Variants in RAPGEF2 observed in about 807,000 individuals in gnomAD.
RAPGEF2 encodes the protein PDZ domain containing guanine nucleotide exchange factor (GEF) 1.
Under a neutral mutation model 186.7 loss-of-function variants are expected in RAPGEF2, and 54 were observed. That is an observed-to-expected ratio of 0.29 (90% CI 0.23 to 0.36). The LOEUF is 0.36. RAPGEF2 is among the 10% of genes least tolerant of loss of function. The pLI is 1.00. For synonymous variants in RAPGEF2, 712 were observed against 705.9 expected, an observed-to-expected ratio of 1.01 and a Z score of -0.14; for missense variants, 1,532 against 2,045.0, an observed-to-expected ratio of 0.75 and a Z score of 4.84.
chr4:159,337,058 A>G (rs900453479), intron 17 of RAPGEF2, among the ~76,000 whole-genome samples: 1 of 152,212 alleles, frequency 6.6e-6, no homozygotes, highest in African/African-American at 2.4e-5. Context: ...CATATTATTA[A>G]ATCATGTTTC....
chr4:159,136,227 G>A (rs897543095), intron 1 of RAPGEF2, among the ~76,000 whole-genome samples: 1 of 152,164 alleles, frequency 6.6e-6, no homozygotes, highest in Non-Finnish European at 1.5e-5. Flanking sequence ...TTTATTAAAC[G>A]CCACTTTTTC....
At chr4:159,152,671 G>A (rs947517903) in intron 1 of RAPGEF2, among the ~76,000 whole-genome samples, 4 of 152,160 alleles carry the variant, frequency 2.6e-5, no homozygotes, top group African/African-American at 9.7e-5. Flanking sequence ...AGGCTGGGGT[G>A]CAGAGGCACA....
chr4:159,202,320 G>C (rs1485331449), intron 3 of RAPGEF2, among the ~76,000 whole-genome samples: 3 of 152,020 alleles, frequency 2.0e-5, no homozygotes, highest in African/African-American at 7.2e-5. Context: ...CACCCTCCTT[G>C]TTTCATATTT....
intron 7 of RAPGEF2, among the ~76,000 whole-genome samples, chr4:159,248,041 C>A (rs772762440): frequency 9.2e-5 from 14 of 152,044 alleles, no homozygotes; most frequent in East Asian, 1.9e-4. Context: ...GGATTACAGG[C>A]GTGAGCCACT....
At chr4:159,202,052 A>G (rs999295707) in intron 3 of RAPGEF2, among the ~76,000 whole-genome samples, 7 of 152,176 alleles carry the variant, frequency 4.6e-5, no homozygotes, top group Admixed American at 2.6e-4. Context: ...ATTTGATGCT[A>G]TATGTGGTTC....
intron 7 of RAPGEF2, among the ~76,000 whole-genome samples, chr4:159,274,119 G>T (rs557787699): frequency 3.5e-4 from 53 of 152,282 alleles, no homozygotes; most frequent in Admixed American, 9.2e-4. Context: ...GCCTCCAGAG[G>T]TTTGACCAAA....
At chr4:159,337,340 C>G (rs1051699035) in intron 17 of RAPGEF2, among the ~76,000 whole-genome samples, 8 of 152,056 alleles carry the variant, frequency 5.3e-5, no homozygotes, top group African/African-American at 1.7e-4. Context: ...TCTAAAACAT[C>G]GAGAATAAAA....
intron 8 of RAPGEF2, among the ~76,000 whole-genome samples, chr4:159,305,929 A>G (rs796392523): frequency 4.6e-5 from 7 of 152,060 alleles, no homozygotes; most frequent in African/African-American, 1.4e-4. Flanking sequence ...TTTCCCCAGT[A>G]TATGTTCTTC....
In RAPGEF2 at chr4:159,332,659, C is replaced by T; in HGVS notation, c.2097C>T (p.Asp699=). The change falls in exon 17 of 30, where the codon GAC becomes GAT. Residue 699 remains aspartate, a synonymous_variant. Coordinates refer to ENST00000691494, the MANE Select transcript of RAPGEF2 (RefSeq NM_001394067.2). ...GGAACAAGCTGAAAAAGATACTCGA[C>T]AAGACTCGGATCAGTATCTTGCCAC... The part of the protein sequence containing the change: ...GGRNKLKKIL[D]KTRISILPQK... The T allele has an allele frequency of 6.2e-7, 1 of 1,614,136 alleles. No individual in the cohort carries two copies. Among genetic ancestry groups the T allele is most frequent in the Non-Finnish European group, 8.5e-7 (1 of 1,179,994 alleles).
intron 17 of RAPGEF2, among the ~76,000 whole-genome samples, chr4:159,333,040 C>T (rs182665996): frequency 2.8e-3 from 429 of 151,856 alleles, no homozygotes; most frequent in African/African-American, 9.9e-3. Context: ...AGTGCAGTGG[C>T]GCGATCTCGG....
chr4:159,268,333 T>C, intron 7 of RAPGEF2: 5 of 788,700 alleles, frequency 6.3e-6, no homozygotes, highest in Non-Finnish European at 1.0e-5. Flanking sequence ...TATAGTAGTC[T>C]GCTTGGAGAG....
chr4:159,330,645 A>G, intron 13 of RAPGEF2, 147 bp downstream of exon 13: 1 of 534,508 alleles, frequency 1.9e-6, no homozygotes, highest in Non-Finnish European at 3.1e-6. Context: ...ACAAAAAAAC[A>G]AAAAAAAAGG....
chr4:159,198,251 T>C (rs77592076), intron 3 of RAPGEF2, among the ~76,000 whole-genome samples: 34,888 of 123,862 alleles, frequency 0.28, 6,388 homozygotes, highest in Non-Finnish European at 0.32. Context: ...TTTCTTCCTT[T>C]CTTTCTTTCT....
intron 8 of RAPGEF2, among the ~76,000 whole-genome samples, chr4:159,312,208 A>G (rs1764028759): frequency 6.6e-6 from 1 of 152,166 alleles, no homozygotes; most frequent in African/African-American, 2.4e-5. Flanking sequence ...TATTGAAAAT[A>G]TTTTTAAAAT....
chr4:159,123,211 G>C (rs960816604), intron 1 of RAPGEF2, among the ~76,000 whole-genome samples: 2 of 152,156 alleles, frequency 1.3e-5, no homozygotes, highest in African/African-American at 4.8e-5. Flanking sequence ...AGGGGTTGGC[G>C]CCTCTAATAT....
intron 7 of RAPGEF2, among the ~76,000 whole-genome samples, chr4:159,285,622 AT>A (rs1312484317): frequency 6.6e-6 from 1 of 152,220 alleles, no homozygotes; most frequent in African/African-American, 2.4e-5. Flanking sequence ...TAAAATATAA[AT>A]GAATTCCTAT....
chr4:159,313,063 G>A (rs565213770), intron 8 of RAPGEF2, among the ~76,000 whole-genome samples: 16 of 152,080 alleles, frequency 1.1e-4, no homozygotes, highest in African/African-American at 3.9e-4. Flanking sequence ...CATGAGAATC[G>A]CATGAACCTG....
chr4:159,156,720 A>T (rs182554877), intron 1 of RAPGEF2, among the ~76,000 whole-genome samples: 1 of 152,076 alleles, frequency 6.6e-6, no homozygotes, highest in Admixed American at 6.5e-5. Context: ...ATTCCCACCT[A>T]TGAGTGAGAA....
intron 1 of RAPGEF2, among the ~76,000 whole-genome samples, chr4:159,169,885 C>T (rs1745719604): frequency 6.6e-6 from 1 of 152,150 alleles, no homozygotes; most frequent in Non-Finnish European, 1.5e-5. Flanking sequence ...CATGGGAGTG[C>T]AGGCATCTCT....
Sources: gnomAD v4.1 joint callset for allele counts (sites outside exome capture counted in the v4.1 genomes callset) on GRCh38, gnomAD v4.1.1 for gene constraint, MANE v1.5 for transcripts, NCBI Gene and HGNC (gene_info 2026-07-23, HGNC 2026-07-21) for gene names.